The following PCSK5 variants were observed in gnomAD, a reference collection of about 807,000 sequenced individuals.
PCSK5 encodes prohormone convertase 5.
PCSK5 carries 129 observed loss-of-function variants against 233.2 expected under a neutral mutation model. That is an observed-to-expected ratio of 0.55 (90% CI 0.48 to 0.64). PCSK5 has a LOEUF of 0.64. Ranked by LOEUF, PCSK5 falls within the 30% of genes least tolerant of loss-of-function variation. PCSK5 has a pLI of 0.00. For missense variants in PCSK5, 2,076 were observed against 2,430.1 expected, an observed-to-expected ratio of 0.85 and a Z score of 3.06; for synonymous variants, 825 against 879.2, an observed-to-expected ratio of 0.94 and a Z score of 1.09.
chr9:76,081,569 T>C (rs1313209448), intron 7 of PCSK5, among the ~76,000 whole-genome samples: 6 of 152,344 alleles, frequency 3.9e-5, no homozygotes, highest in Middle Eastern at 3.4e-3. Flanking sequence ...ACCACGGTTC[T>C]CAACTTTAAC....
chr9:76,114,084 T>C (rs892158487), intron 9 of PCSK5, among the ~76,000 whole-genome samples: 4 of 152,128 alleles, frequency 2.6e-5, no homozygotes, highest in Non-Finnish European at 4.4e-5. Context: ...TTTTTGTGTA[T>C]TGGAGTGTTG....
chr9:76,344,802 C>T (rs935491672), intron 35 of PCSK5, among the ~76,000 whole-genome samples: 21 of 152,120 alleles, frequency 1.4e-4, no homozygotes, highest in Non-Finnish European at 1.3e-4. Context: ...CAGTGGGCGG[C>T]GCAGTGCAGT....
intron 35 of PCSK5, among the ~76,000 whole-genome samples, chr9:76,339,592 T>C (rs1288322422): frequency 6.6e-6 from 1 of 152,212 alleles, no homozygotes; most frequent in Non-Finnish European, 1.5e-5. Context: ...TCGCCCAGGC[T>C]GGAGTGCAGT....
At chr9:75,925,366 G>A (rs539668640) in intron 1 of PCSK5, among the ~76,000 whole-genome samples, 1 of 152,312 alleles carries the variant, frequency 6.6e-6, no homozygotes, top group South Asian at 2.1e-4. Context: ...GTTATTTCGA[G>A]TTCCTCAATG....
chr9:76,273,241 A>G (rs1827581392), intron 24 of PCSK5, among the ~76,000 whole-genome samples: 1 of 152,066 alleles, frequency 6.6e-6, no homozygotes, highest in Non-Finnish European at 1.5e-5. Flanking sequence ...ACACACATAC[A>G]CACATGTGCT....
At chr9:76,331,549 C>A (rs1282844906) in intron 33 of PCSK5, among the ~76,000 whole-genome samples, 1 of 152,020 alleles carries the variant, frequency 6.6e-6, no homozygotes, top group Non-Finnish European at 1.5e-5. Context: ...TGCCTGTAGT[C>A]CCAGCTACTC....
At chr9:76,229,571 T>A (rs67559904) in intron 21 of PCSK5, among the ~76,000 whole-genome samples, 12,512 of 152,292 alleles carry the variant, frequency 0.082, 678 homozygotes, top group Admixed American at 0.13. Context: ...AACATTGTAT[T>A]TGATCTATTT....
chr9:75,938,204 T>C (rs1824145444), intron 2 of PCSK5, among the ~76,000 whole-genome samples: 1 of 152,164 alleles, frequency 6.6e-6, no homozygotes, highest in African/African-American at 2.4e-5. Context: ...CCGGAGTGAC[T>C]CTTCCTTTCA....
chr9:75,937,766 C>T (rs1329363291), intron 2 of PCSK5, among the ~76,000 whole-genome samples: 1 of 152,224 alleles, frequency 6.6e-6, no homozygotes, highest in Non-Finnish European at 1.5e-5. Flanking sequence ...TGCAGCTTCT[C>T]ATCAGCACTT....
At chr9:76,155,649 T>C (rs1474357281) in intron 10 of PCSK5, among the ~76,000 whole-genome samples, 1 of 152,082 alleles carries the variant, frequency 6.6e-6, no homozygotes, top group African/African-American at 2.4e-5. Context: ...GATGAATGGA[T>C]GGATGGATGG....
At chr9:75,894,285 A>G (rs192479736) in intron 1 of PCSK5, among the ~76,000 whole-genome samples, 11 of 152,324 alleles carry the variant, frequency 7.2e-5, no homozygotes, top group African/African-American at 1.7e-4. Context: ...CAGAATATCA[A>G]TGTAATGTTT....
At position 76,295,339 on chromosome 9, in the gene PCSK5, G is replaced by C. The variant is rs1239788442; in HGVS notation, c.3250G>C (p.Ala1084Pro). Residue 1084 changes from alanine to proline, a missense_variant, in exon 26 of 38, where the codon GCG (alanine) becomes CCG (proline). Ala to Pro is a conservative substitution (Grantham distance 27, BLOSUM62 -1). Around this residue, in one of 6 missense-constraint regions of PCSK5, gnomAD observed 1,510 missense variants for 1,538.1 expected, o/e 0.98. Transcript: ENST00000674117. ...KTYSEEVECK[A>P]CDSNCGSCDQ... The stretch of plus-strand genomic sequence containing the variant: ...CTACAGTGAGGAAGTGGAATGCAAG[G>C]CGTGTGATAGTAACTGTGGCAGCTG... The C allele has an allele frequency of 2.5e-6, 4 of 1,611,656 alleles. No homozygotes were observed. In the South Asian group the frequency reaches 3.3e-5, roughly 13 times the overall value.
At chr9:75,940,362 A>G (rs763138997) in intron 2 of PCSK5, among the ~76,000 whole-genome samples, 2 of 152,210 alleles carry the variant, frequency 1.3e-5, no homozygotes, top group Non-Finnish European at 2.9e-5. Context: ...GCCCAGCATC[A>G]AGTTCAAGTC....
chr9:76,182,632 C>T (rs1243897315), intron 16 of PCSK5, among the ~76,000 whole-genome samples: 2 of 151,456 alleles, frequency 1.3e-5, no homozygotes, highest in Non-Finnish European at 2.9e-5. Context: ...AGCAAACAGA[C>T]GAAGGTATAT....
rs750391292 is a variant in PCSK5, at chr9:76,182,832, GA to G, written c.2197+1245del. ...TTTGCACAACCTAAGGAGACAAAGA[GA>G]AAACTCAAGTTTAAAAGAACAAGAG... On this transcript the variant is annotated intron_variant, in intron 16 of 37. Transcript: ENST00000674117. Among the ~76,000 whole-genome samples, 6 of 152,242 alleles carry G rather than the reference GA, an allele frequency of 3.9e-5. No individual in the cohort carries two copies. The East Asian group carries it at 5.8e-4, about 15-fold the overall frequency.
In PCSK5 at chr9:76,354,183, A is replaced by C. The variant is rs749316641; in HGVS notation, c.5218A>C (p.Ser1740Arg). 7.6e-6 allele frequency: 12 copies of C among 1,587,458 alleles called. No homozygotes were observed. In the East Asian group the frequency reaches 2.5e-4, roughly 33 times the overall value. ...CTGCTGCAACACCTCTGATCCCCCCAGTGCCCAGGAGTGCTGTGACTGCCA... is the reference window on the plus strand; with the variant it reads ...CTGCTGCAACACCTCTGATCCCCCCCGTGCCCAGGAGTGCTGTGACTGCCA... ...LHCCNTSDPP[S>R]AQECCDCQDT... Residue 1740 changes from serine to arginine, a missense_variant, in exon 37 of 38, where the codon AGT becomes CGT. Ser to Arg is a moderately radical substitution (Grantham distance 110, BLOSUM62 -1). Transcript: ENST00000674117.
intron 3 of PCSK5, among the ~76,000 whole-genome samples, chr9:76,002,184 G>T (rs1827291522): frequency 1.3e-5 from 2 of 152,196 alleles, no homozygotes; most frequent in South Asian, 4.1e-4. Context: ...TCACTAGCAG[G>T]ACATAGTCAA....
At position 76,189,698 on chromosome 9, in the gene PCSK5, T is replaced by TATC. The variant is rs779375530; in HGVS notation, c.2579_2581dup (p.Tyr860_Leu861insHis). The TATC allele has an allele frequency of 9.9e-6, 16 of 1,612,726 alleles. No individual in the cohort carries two copies. Among genetic ancestry groups the TATC allele is most frequent in the Non-Finnish European group, 1.3e-5 (15 of 1,178,972 alleles). On this transcript the variant is annotated inframe_insertion, in exon 20 of 38. Transcript: ENST00000674117. ...GAACTGTACAAGCTGCCCTAGTGGG[T>TATC]ATCTCTTAGACTTAGGAATGTGTCA...
intron 20 of PCSK5, among the ~76,000 whole-genome samples, chr9:76,221,648 C>A (rs1376323743): frequency 1.3e-5 from 2 of 152,090 alleles, no homozygotes; most frequent in Non-Finnish European, 2.9e-5. Flanking sequence ...TTTGGATGTA[C>A]TTTTTTAACT....
Sources: gnomAD v4.1 joint callset for allele counts (sites outside exome capture counted in the v4.1 genomes callset) on GRCh38, gnomAD v4.1.1 for gene constraint, gnomAD v4.1.1 regional missense constraint, MANE v1.5 for transcripts, NCBI Gene and HGNC (gene_info 2026-07-23, HGNC 2026-07-21) for gene names.